CTNNA1: variants seen among roughly 807,000 people sequenced by gnomAD.
CTNNA1 encodes the protein catenin alpha 1, also known as catenin alpha-1.
Under a neutral mutation model 98.4 loss-of-function variants are expected in CTNNA1, and 37 were observed. The observed-to-expected ratio is 0.38, with a 90% CI of 0.29 to 0.49. The LOEUF is 0.49. Ranked by LOEUF, CTNNA1 falls within the 20% of genes least tolerant of loss-of-function variation. CTNNA1 has a pLI of 0.95. For missense variants in CTNNA1, 761 were observed against 1,147.2 expected, an observed-to-expected ratio of 0.66 and a Z score of 4.86; for synonymous variants, 404 against 413.2, an observed-to-expected ratio of 0.98 and a Z score of 0.27.
intron 7 of CTNNA1, among the ~76,000 whole-genome samples, chr5:138,846,666 T>C (rs1383420602): frequency 6.6e-6 from 1 of 152,218 alleles, no homozygotes; most frequent in African/African-American, 2.4e-5. Flanking sequence ...CTTCTGACTT[T>C]GTATGGGACA....
chr5:138,921,937 A>G (rs1343422972), intron 11 of CTNNA1, among the ~76,000 whole-genome samples: 2 of 151,150 alleles, frequency 1.3e-5, no homozygotes, highest in South Asian at 2.1e-4. Context: ...TTTTAAGCCT[A>G]CTATATAGTT....
chr5:138,785,984 A>G (rs1755665591), intron 3 of CTNNA1, among the ~76,000 whole-genome samples: 1 of 152,234 alleles, frequency 6.6e-6, no homozygotes, highest in Non-Finnish European at 1.5e-5. Flanking sequence ...CAGTGCAAAT[A>G]TGTAGCAATC....
intron 1 of CTNNA1, among the ~76,000 whole-genome samples, chr5:138,774,008 C>T (rs866278198): frequency 1.4e-4 from 22 of 152,138 alleles, no homozygotes; most frequent in South Asian, 4.2e-4. Context: ...CTCAGCCTCC[C>T]GAGTAGCTAG....
intron 7 of CTNNA1, among the ~76,000 whole-genome samples, chr5:138,863,443 G>A (rs904975297): frequency 6.6e-6 from 1 of 151,994 alleles, no homozygotes; most frequent in Non-Finnish European, 1.5e-5. Flanking sequence ...ACAGAGTTTT[G>A]CCATGTTGCC....
chr5:138,782,225 A>C (rs557534795), intron 2 of CTNNA1, 196 bp downstream of exon 2: 1 of 636,374 alleles, frequency 1.6e-6, no homozygotes, highest in Admixed American at 2.5e-5. Context: ...CGTTTTCTTC[A>C]GTCTTATTGC....
chr5:138,824,028 C>T (rs548587455), intron 5 of CTNNA1, among the ~76,000 whole-genome samples: 29 of 145,558 alleles, frequency 2.0e-4, no homozygotes, highest in African/African-American at 7.3e-4. Flanking sequence ...ATAAGTCTTA[C>T]TCTGTTTGAC....
chr5:138,901,188 C>T (rs986335346), intron 9 of CTNNA1, among the ~76,000 whole-genome samples: 10 of 151,994 alleles, frequency 6.6e-5, no homozygotes, highest in South Asian at 4.2e-4. Flanking sequence ...GAGAGAGTCT[C>T]GCTCTGTTGT....
intron 10 of CTNNA1, among the ~76,000 whole-genome samples, chr5:138,914,944 G>A (rs1255521648): frequency 5.9e-5 from 9 of 151,944 alleles, no homozygotes; most frequent in African/African-American, 1.7e-4. Flanking sequence ...TCAGGAGATC[G>A]AGACCATCCT....
Position 138,781,941 on chromosome 5 carries a change from C to T in CTNNA1, c.17C>T (p.Ala6Val). ...TATTTAGAAATGACTGCTGTCCATG[C>T]AGGCAACATAAACTTCAAGTGGGAT... MTAVH[A>V]GNINFKWDPK... Residue 6 changes from alanine (A) to valine (V), a missense_variant, in exon 2 of 18, where the codon GCA becomes GTA. By Grantham distance (64) the Ala-to-Val change is moderately conservative. Around this residue, in one of 6 missense-constraint regions of CTNNA1, gnomAD observed 328 missense variants for 354.3 expected, o/e 0.93. Transcript: ENST00000302763. 6.3e-7 allele frequency: 1 copy of T among 1,593,534 alleles called. No individual in the cohort carries two copies. The highest frequency in any genetic ancestry group is 8.5e-7 in the Non-Finnish European group (1 of 1,175,426).
At chr5:138,835,825 T>C (rs781510078) in intron 7 of CTNNA1, among the ~76,000 whole-genome samples, 60 of 152,164 alleles carry the variant, frequency 3.9e-4, no homozygotes, top group East Asian at 1.9e-4. Flanking sequence ...CTATTGACTA[T>C]AGGCTTCATG....
At chr5:138,758,288 G>A (rs962039706) in intron 1 of CTNNA1, among the ~76,000 whole-genome samples, 15 of 151,988 alleles carry the variant, frequency 9.9e-5, no homozygotes, top group African/African-American at 3.6e-4. Flanking sequence ...TGCAACCTCC[G>A]CCTCCCGGGT....
intron 1 of CTNNA1, among the ~76,000 whole-genome samples, chr5:138,772,341 A>C (rs1376201250): frequency 6.6e-6 from 1 of 152,190 alleles, no homozygotes; most frequent in Non-Finnish European, 1.5e-5. Context: ...GGAAAAACCT[A>C]AGGTTGCTGT....
intron 7 of CTNNA1, among the ~76,000 whole-genome samples, chr5:138,851,617 G>A (rs1315740454): frequency 2.6e-5 from 4 of 151,334 alleles, no homozygotes; most frequent in African/African-American, 2.4e-5. Context: ...AAATTAGCTG[G>A]GCGCGGTGGC....
intron 7 of CTNNA1, among the ~76,000 whole-genome samples, chr5:138,866,241 A>G (rs545644886): frequency 1.3e-5 from 2 of 152,136 alleles, no homozygotes; most frequent in South Asian, 4.1e-4. Context: ...ATGATTTTCC[A>G]GGAAAAGCAA....
rs1751216473 is a variant in CTNNA1, at chr5:138,753,453, A to T, written c.-60A>T. ...CTCCTAGCCGGACTGGAGGGAGACA[A>T]AGCAGCGCCCGTCTGCTTCGGGCCT... On this transcript the variant is annotated 5_prime_UTR_variant, in exon 1 of 18. Transcript: ENST00000302763. 2.7e-6 allele frequency: 1 copy of T among 373,896 alleles called. No individual in the cohort carries two copies. The highest frequency in any genetic ancestry group is 4.6e-5 in the Admixed American group (1 of 21,726). The allele number at this position is 373,896 out of a possible 1,614,324, so 23.2% of individuals were successfully genotyped here. A position where few individuals can be genotyped will look rare whatever the true frequency, so the allele number is the denominator to read the frequency against.
chr5:138,867,639 T>C (rs1459965890), intron 7 of CTNNA1, among the ~76,000 whole-genome samples: 2 of 152,164 alleles, frequency 1.3e-5, no homozygotes, highest in Admixed American at 6.5e-5. Context: ...TTCTTTCTCT[T>C]CCTTCTCGGC....
At chr5:138,755,829 GTTTTGGGATTTCCTTCTTTTTTTTTT>G (rs1751574898) in intron 1 of CTNNA1, among the ~76,000 whole-genome samples, 1 of 146,164 alleles carries the variant, frequency 6.8e-6, no homozygotes, top group Admixed American at 6.9e-5. Flanking sequence ...CCCTGCCCGG[GTTTTGGGATTTCCTTCTTTTTTTTTT>G]TTTTTTTTTT....
At chr5:138,801,610 C>T (rs1193391809) in intron 3 of CTNNA1, among the ~76,000 whole-genome samples, 2 of 152,220 alleles carry the variant, frequency 1.3e-5, no homozygotes, top group Non-Finnish European at 2.9e-5. Flanking sequence ...CGATGTGCAT[C>T]ATGACCAGTC....
intron 11 of CTNNA1, among the ~76,000 whole-genome samples, chr5:138,923,466 C>G (rs1355480878): frequency 6.6e-6 from 1 of 152,126 alleles, no homozygotes; most frequent in Non-Finnish European, 1.5e-5. Flanking sequence ...CTAGTTTTCC[C>G]TTCTCTAATA....
Sources: gnomAD v4.1 joint callset for allele counts (sites outside exome capture counted in the v4.1 genomes callset) on GRCh38, gnomAD v4.1.1 for gene constraint, gnomAD v4.1.1 regional missense constraint, MANE v1.5 for transcripts, NCBI Gene and HGNC (gene_info 2026-07-23, HGNC 2026-07-21) for gene names.